CALN1: variants seen among roughly 807,000 people sequenced by gnomAD.
CALN1 encodes calcium-binding protein 8.
CALN1 carries 17 observed loss-of-function variants against 30.6 expected under a neutral mutation model. The ratio of observed to expected loss-of-function variants is 0.56; its 90% CI spans 0.38 to 0.83. The LOEUF (loss-of-function observed/expected upper bound fraction) is 0.83. Ranked by LOEUF, CALN1 falls within the 40% of genes least tolerant of loss-of-function variation. The pLI is 0.00. For missense variants in CALN1, 291 were observed against 354.9 expected (o/e 0.82, Z 1.45); for synonymous variants, 156 against 131.4 (o/e 1.19, Z -1.28).
At chr7:72,491,831 C>T in the CALN1 span, among the ~76,000 whole-genome samples, 2 of 152,222 alleles carry the variant, frequency 1.3e-5, no homozygotes, top group African/African-American at 2.4e-5. Context: ...AAAGAACACA[C>T]CAACGGTCAT....
intron 2 of CALN1, among the ~76,000 whole-genome samples, chr7:72,329,131 T>C (rs1158439716): frequency 1.3e-5 from 2 of 152,274 alleles, no homozygotes; most frequent in Non-Finnish European, 2.9e-5. Flanking sequence ...TTTCCATTGT[T>C]CTTCTGTACC....
chr7:72,383,279 T>C lies in CALN1; in HGVS notation c.119+19972A>G, dbSNP rs571426488. 4.5e-4 allele frequency among the ~76,000 whole-genome samples: 68 copies of C among 152,342 alleles called. 1 individual carries two copies. The South Asian group carries it at 6.6e-3, about 15-fold the overall frequency. On this transcript the variant is annotated intron_variant, in intron 2 of 6. Transcript: ENST00000395275. ...TTTATTTTCCCTTGGGTCTATATTC[T>C]GTAATGAGGCTGCGGGGTGAAAGGA...
At chr7:72,263,550 C>T (rs762436219) in intron 3 of CALN1, among the ~76,000 whole-genome samples, 2 of 152,082 alleles carry the variant, frequency 1.3e-5, no homozygotes, top group Admixed American at 6.6e-5. Context: ...TACCCACCAC[C>T]ATGCCTGGCT....
chr7:72,404,547 A>G (rs138573615), intron 1 of CALN1, among the ~76,000 whole-genome samples: 316 of 152,296 alleles, frequency 2.1e-3, no homozygotes, highest in African/African-American at 7.1e-3. Context: ...AGTTGTACCC[A>G]TAAGAACGTC....
chr7:72,223,947 T>C (rs1256118127), intron 3 of CALN1, among the ~76,000 whole-genome samples: 3 of 152,040 alleles, frequency 2.0e-5, no homozygotes, highest in Non-Finnish European at 4.4e-5. Context: ...AGCTCAAGTA[T>C]TGGGTACACG....
chr7:72,090,781 G>T (rs1805803912), intron 4 of CALN1, among the ~76,000 whole-genome samples: 1 of 152,172 alleles, frequency 6.6e-6, no homozygotes, highest in Non-Finnish European at 1.5e-5. Context: ...AACCACATGG[G>T]TTGAACTGGA....
chr7:71,885,521 C>T (rs1246238412), intron 5 of CALN1, among the ~76,000 whole-genome samples: 2 of 152,214 alleles, frequency 1.3e-5, no homozygotes, highest in Non-Finnish European at 2.9e-5. Context: ...AACAAAGCTG[C>T]ACCCGGACCA....
chr7:71,809,677 A>AG (rs1402763214), intron 6 of CALN1, among the ~76,000 whole-genome samples: 2 of 152,026 alleles, frequency 1.3e-5, no homozygotes, highest in Non-Finnish European at 2.9e-5. Context: ...TCTACTGATT[A>AG]GGAGATTCAG....
chr7:71,942,976 G>A (rs753439579), intron 5 of CALN1, among the ~76,000 whole-genome samples: 12 of 152,100 alleles, frequency 7.9e-5, no homozygotes, highest in South Asian at 6.2e-4. Context: ...CCCTTCCCCC[G>A]TTCCAATCTT....
chr7:72,261,097 CAGG>C (rs1796241456), intron 3 of CALN1, among the ~76,000 whole-genome samples: 1 of 152,138 alleles, frequency 6.6e-6, no homozygotes, highest in Admixed American at 6.5e-5. Context: ...CACCTGAGGT[CAGG>C]AGTTCGAGAC....
rs375327003 is a variant in CALN1 at position 71,890,542 on chromosome 7, G to A, written c.502-80050C>T. 4.3e-4 allele frequency among the ~76,000 whole-genome samples: 65 copies of A among 151,638 alleles called. No individual in the cohort carries two copies. In the South Asian group the frequency reaches 0.013, roughly 30 times the overall value. ...AAGTCTTTAAAGACCTTTCATTACA[G>A]TAGCAACACATGCTCATATAAAATA... is the stretch of plus-strand genomic sequence containing the variant. On this transcript the variant is annotated intron_variant, in intron 5 of 6. Transcript: ENST00000395275.
chr7:72,391,257 A>G (rs1805560473), intron 2 of CALN1, among the ~76,000 whole-genome samples: 2 of 152,216 alleles, frequency 1.3e-5, no homozygotes, highest in Admixed American at 1.3e-4. Flanking sequence ...GCAGAGGGCT[A>G]AGATGGTACA....
intron 3 of CALN1, among the ~76,000 whole-genome samples, chr7:72,253,818 G>A (rs1795728764): frequency 6.6e-6 from 1 of 152,202 alleles, no homozygotes; most frequent in South Asian, 2.1e-4. Flanking sequence ...CCAGCTCACT[G>A]CAACCTCCGC....
chr7:72,350,819 T>G lies in CALN1; in HGVS notation c.119+52432A>C, dbSNP rs949096427. Among the ~76,000 whole-genome samples the G allele has an allele frequency of 3.3e-5, 5 of 152,174 alleles. 1 individual carries two copies. The highest frequency in any genetic ancestry group is 4.1e-4 in the South Asian group (2 of 4,830). On this transcript the variant is annotated intron_variant, in intron 2 of 6. Coordinates refer to ENST00000395275, the MANE Select transcript of CALN1 (RefSeq NM_031468.4). ...AATAAATAAAAAAAATACTGAGAAT[T>G]TCCTAATCAGCAAAAATATCCTCTG...
chr7:72,404,172 C>T (rs1324891334), intron 1 of CALN1, among the ~76,000 whole-genome samples: 1 of 152,176 alleles, frequency 6.6e-6, no homozygotes, highest in Non-Finnish European at 1.5e-5. Flanking sequence ...GGCCCTCTCC[C>T]TTGGTTGGGT....
chr7:72,106,438 C>T (rs1162940962), intron 3 of CALN1, 144 bp from the exon 4 acceptor site: 3 of 835,766 alleles, frequency 3.6e-6, no homozygotes, highest in Non-Finnish European at 1.6e-6. Flanking sequence ...AAAGGGAGGA[C>T]AGAAGAAGAA....
intron 5 of CALN1, among the ~76,000 whole-genome samples, chr7:71,879,115 T>G (rs983367869): frequency 6.6e-6 from 1 of 152,132 alleles, no homozygotes; most frequent in Non-Finnish European, 1.5e-5. Context: ...AAGAATAAAA[T>G]TAAGGGACAT....
At chr7:71,870,549 A>C (rs1791862876) in intron 5 of CALN1, among the ~76,000 whole-genome samples, 1 of 152,208 alleles carries the variant, frequency 6.6e-6, no homozygotes, top group Non-Finnish European at 1.5e-5. Context: ...AATATATTAC[A>C]ATTAGTGGCT....
At chr7:72,213,867 T>C (rs1792584000) in intron 3 of CALN1, among the ~76,000 whole-genome samples, 2 of 152,202 alleles carry the variant, frequency 1.3e-5, no homozygotes. Context: ...GCTCCGTAGC[T>C]TCTTGCATTT....
Sources: gnomAD v4.1 joint callset for allele counts (sites outside exome capture counted in the v4.1 genomes callset) on GRCh38, gnomAD v4.1.1 for gene constraint, MANE v1.5 for transcripts, NCBI Gene and HGNC (gene_info 2026-07-23, HGNC 2026-07-21) for gene names.